MALRD1: variants seen among roughly 807,000 people sequenced by gnomAD.
MALRD1 encodes the protein MAM and LDL-receptor class A domain-containing protein 1.
In MALRD1, 247 loss-of-function variants were observed where a neutral mutation model predicts 242.1. The observed-to-expected ratio is 1.02, with a 90% CI of 0.92 to 1.13. MALRD1 has a LOEUF of 1.13. MALRD1 is among the 50% of genes most tolerant of loss of function. The pLI, the probability that MALRD1 is intolerant of heterozygous loss-of-function variation, is 0.00. For synonymous variants in MALRD1, 995 were observed against 866.6 expected (o/e 1.15, Z -2.60); for missense variants, 2,989 against 2,533.1 (o/e 1.18, Z -3.86).
At chr10:19,327,739 C>A in intron 23 of MALRD1, 66 bp downstream of exon 23, 1 of 1,253,998 alleles carries the variant, frequency 8.0e-7, no homozygotes, top group Non-Finnish European at 1.1e-6. Flanking sequence ...CATTTATTTC[C>A]TTCTCTACTC....
chr10:19,687,964 T>TTATGTTA (rs1554825374), intron 36 of MALRD1, among the ~76,000 whole-genome samples: 9 of 148,508 alleles, frequency 6.1e-5, no homozygotes, highest in Non-Finnish European at 1.1e-4. Flanking sequence ...TTATGTTATG[T>TTATGTTA]TATGTTATGT....
intron 24 of MALRD1, among the ~76,000 whole-genome samples, chr10:19,333,046 T>A (rs143679066): frequency 5.9e-5 from 9 of 152,094 alleles, no homozygotes; most frequent in Non-Finnish European, 1.3e-4. Context: ...TGGTGTATGA[T>A]GTTCCCCTCC....
At chr10:19,077,197 A>G (rs1337051670) in intron 2 of MALRD1, among the ~76,000 whole-genome samples, 1 of 151,908 alleles carries the variant, frequency 6.6e-6, no homozygotes, top group African/African-American at 2.4e-5. Context: ...TTCAGTGACA[A>G]AAGTTATTAA....
At chr10:19,442,822 T>TA (rs1834742891) in intron 28 of MALRD1, among the ~76,000 whole-genome samples, 1 of 152,228 alleles carries the variant, frequency 6.6e-6, no homozygotes, top group Non-Finnish European at 1.5e-5. Flanking sequence ...ATCAGGATGA[T>TA]GCTGGCCTCA....
chr10:19,448,019 G>A (rs574045830), intron 28 of MALRD1, among the ~76,000 whole-genome samples: 1 of 152,100 alleles, frequency 6.6e-6, no homozygotes, highest in Non-Finnish European at 1.5e-5. Context: ...ATTAACTGAT[G>A]CATAGTTGTG....
intron 26 of MALRD1, among the ~76,000 whole-genome samples, chr10:19,374,160 C>T (rs1008828891): frequency 6.6e-6 from 1 of 152,168 alleles, no homozygotes; most frequent in African/African-American, 2.4e-5. Flanking sequence ...TATAAATACA[C>T]ATTACTGTTT....
At chr10:19,634,193 G>C (rs11010796) in intron 36 of MALRD1, among the ~76,000 whole-genome samples, 9,275 of 152,062 alleles carry the variant, frequency 0.061, 351 homozygotes, top group Middle Eastern at 0.095. Flanking sequence ...GAAGCACACT[G>C]AAATCAAAAA....
intron 29 of MALRD1, among the ~76,000 whole-genome samples, chr10:19,456,853 A>G (rs1175820082): frequency 2.0e-5 from 3 of 150,894 alleles, no homozygotes; most frequent in Non-Finnish European, 4.4e-5. Context: ...GCTCACTGCA[A>G]CCTCCACCTC....
At chr10:19,223,420 C>G (rs1837646426) in intron 18 of MALRD1, among the ~76,000 whole-genome samples, 2 of 137,816 alleles carry the variant, frequency 1.5e-5, no homozygotes, top group Non-Finnish European at 3.2e-5. Flanking sequence ...GTCTTCTAAG[C>G]AATTTTTTTT....
chr10:19,455,397 T>G lies in MALRD1; in HGVS notation c.5029+4907T>G, dbSNP rs115454281. Among the ~76,000 whole-genome samples the G allele has an allele frequency of 8.5e-3, 1,300 of 152,292 alleles. 12 individuals carry two copies. The highest frequency in any genetic ancestry group is 0.03 in the African/African-American group (1,250 of 41,558). On this transcript the variant is annotated intron_variant, in intron 29 of 39. Transcript: ENST00000454679. The stretch of plus-strand genomic sequence containing the variant: ...GCTTACTATTAATACTAAATAGTAT[T>G]TATGTCAGCTGTTAATATCCCAGAT...
intron 36 of MALRD1, among the ~76,000 whole-genome samples, chr10:19,655,656 C>T (rs1046838264): frequency 6.7e-6 from 1 of 150,134 alleles, no homozygotes; most frequent in Admixed American, 6.7e-5. Flanking sequence ...ACGACATACT[C>T]ATTGTCGAAA....
At chr10:19,227,110 T>C (rs560298889) in intron 18 of MALRD1, among the ~76,000 whole-genome samples, 1 of 151,960 alleles carries the variant, frequency 6.6e-6, no homozygotes, top group Non-Finnish European at 1.5e-5. Flanking sequence ...ACAATCCCAA[T>C]CAAACCTATA....
At chr10:19,125,290 T>TTTCCTTCCTTCC (rs202203495) in intron 7 of MALRD1, among the ~76,000 whole-genome samples, 3 of 69,104 alleles carry the variant, frequency 4.3e-5, no homozygotes, top group East Asian at 4.4e-4. Flanking sequence ...TCTTTCTTTC[T>TTTCCTTCCTTCC]TTCCTTCCTT....
At chr10:19,397,319 G>A (rs941705535) in intron 28 of MALRD1, among the ~76,000 whole-genome samples, 1 of 152,050 alleles carries the variant, frequency 6.6e-6, no homozygotes, top group African/African-American at 2.4e-5. Flanking sequence ...TTTAGGTCCT[G>A]CATATGAATG....
At chr10:19,401,099 C>G (rs1475615687) in intron 28 of MALRD1, among the ~76,000 whole-genome samples, 2 of 151,904 alleles carry the variant, frequency 1.3e-5, no homozygotes, top group Admixed American at 1.3e-4. Context: ...GAAGAGAAGC[C>G]TGGGATGTAT....
intron 33 of MALRD1, among the ~76,000 whole-genome samples, chr10:19,587,361 A>G (rs1052398733): frequency 1.3e-5 from 2 of 152,174 alleles, no homozygotes; most frequent in South Asian, 2.1e-4. Flanking sequence ...TGTCTATATC[A>G]CTGCGTATGA....
intron 26 of MALRD1, among the ~76,000 whole-genome samples, chr10:19,382,070 G>T (rs1196899223): frequency 6.6e-6 from 1 of 152,100 alleles, no homozygotes; most frequent in African/African-American, 2.4e-5. Flanking sequence ...CGTTACTCCA[G>T]TCTATACCCT....
chr10:19,104,766 A>G (rs2131338231), intron 5 of MALRD1, among the ~76,000 whole-genome samples: 1 of 152,240 alleles, frequency 6.6e-6, no homozygotes, highest in East Asian at 1.9e-4. Context: ...TTCTGAGTTC[A>G]GTTTGGTACA....
chr10:19,214,234 A>G (rs1271915395), intron 18 of MALRD1, among the ~76,000 whole-genome samples: 4 of 152,170 alleles, frequency 2.6e-5, no homozygotes, highest in African/African-American at 7.2e-5. Flanking sequence ...CTCAGGGAGA[A>G]CAATGGGCTC....
Sources: gnomAD v4.1 joint callset for allele counts (sites outside exome capture counted in the v4.1 genomes callset) on GRCh38, gnomAD v4.1.1 for gene constraint, MANE v1.5 for transcripts, NCBI Gene and HGNC (gene_info 2026-07-23, HGNC 2026-07-21) for gene names.